The following NOBOX variants were observed in gnomAD, a reference collection of about 807,000 sequenced individuals.
NOBOX encodes homeobox protein NOBOX.
NOBOX carries 46 observed loss-of-function variants against 60.2 expected under a neutral mutation model. The observed-to-expected ratio is 0.76, with a 90% confidence interval of 0.60 to 0.98. NOBOX has a LOEUF of 0.98. Among genes scored for constraint, NOBOX ranks in the 50% least tolerant of loss-of-function variants. NOBOX has a pLI of 0.00. For missense variants in NOBOX, 880 were observed against 865.5 expected (o/e 1.02, Z -0.21); for synonymous variants, 360 against 346.3 (o/e 1.04, Z -0.44).
At chr7:144,409,938 G>A (rs965626163) in intron 1 of NOBOX, among the ~76,000 whole-genome samples, 1 of 152,188 alleles carries the variant, frequency 6.6e-6, no homozygotes, top group East Asian at 1.9e-4. Context: ...CCCTGAACAA[G>A]GTATTTTTTC....
At chr7:144,400,984 C>T in intron 4 of NOBOX, 62 bp downstream of exon 2, 1 of 1,373,108 alleles carries the variant, frequency 7.3e-7, no homozygotes, top group East Asian at 2.4e-5. Flanking sequence ...ATTCTTCACA[C>T]AGCCCCACCT....
In NOBOX at chr7:144,401,615, C is replaced by G; in HGVS notation, c.293-18G>C. ...TTTCTGGCCTGTGGGGAGCCAACAT[C>G]CACTGACCTTAGCACCAGGGAGAAG... On this transcript the variant is annotated intron_variant, in intron 3 of 9. Transcript: ENST00000467773. This position sits in a 1 kb window ranked among gnomAD's most constrained non-coding sequence, Gnocchi z 4.2. 6.7e-7 allele frequency: 1 copy of G among 1,500,922 alleles called. No homozygotes were observed. The highest frequency in any genetic ancestry group is 8.8e-7 in the Non-Finnish European group (1 of 1,133,570). 93.0% of individuals were successfully genotyped at this position (1,500,922 alleles called of 1,614,324 possible). A position where few individuals can be genotyped will look rare whatever the true frequency, so the allele number is the denominator to read the frequency against.
chr7:144,402,791 C>G (rs568225981), intron 2 of NOBOX, among the ~76,000 whole-genome samples: 1 of 127,666 alleles, frequency 7.8e-6, no homozygotes, highest in Non-Finnish European at 1.6e-5. Flanking sequence ...GAGTCTCGCT[C>G]CGTCGCCCAG....
chr7:144,399,534 C>G, intron 6 of NOBOX, 52 bp from the exon 5 acceptor site: 4 of 1,439,204 alleles, frequency 2.8e-6, no homozygotes, highest in Non-Finnish European at 9.6e-7. Context: ...TGGATTTGCA[C>G]AGGTGCCTCA....
chr7:144,397,580 G>A, intron 9 of NOBOX, 39 bp from the exon 8 acceptor site: 1 of 1,449,032 alleles, frequency 6.9e-7, no homozygotes, highest in Non-Finnish European at 9.2e-7. Context: ...CAGACAGGAT[G>A]GAGAGTATCA....
Position 144,398,990 on chromosome 7 carries a change from T to C in NOBOX, c.1429A>G (p.Ser477Gly). Reference sequence around the variant, plus strand: ...CCACAGGGGCCGTCCTTGTGGCTGCTGTCACTGCCAGCAACATCCATCAGC... The same window carrying C: ...CCACAGGGGCCGTCCTTGTGGCTGCCGTCACTGCCAGCAACATCCATCAGC... Residue 477 changes from serine (S) to glycine (G), a missense_variant, in exon 8 of 10, where the codon AGC (serine) becomes GGC (glycine). Ser to Gly is a moderately conservative substitution (Grantham distance 56, BLOSUM62 0). Coordinates refer to ENST00000467773, the MANE Select transcript of NOBOX (RefSeq NM_001080413.3). The C allele has an allele frequency of 6.3e-7, 1 of 1,578,590 alleles. No homozygotes were observed. Among genetic ancestry groups the C allele is most frequent in the Non-Finnish European group, 8.6e-7 (1 of 1,162,420 alleles).
chr7:144,409,354 C>T (rs17171150), intron 1 of NOBOX, among the ~76,000 whole-genome samples: 5,299 of 152,118 alleles, frequency 0.035, 330 homozygotes, highest in African/African-American at 0.12. Context: ...GGGTAAATAC[C>T]GAACAACTGA....
rs2128861664 is a variant in NOBOX at position 144,401,124 on chromosome 7, G to T, written c.766C>A (p.Gln256Lys). The change falls in exon 4 of 10, where the codon CAA (glutamine) becomes AAA (lysine). Residue 256 changes from glutamine (Q) to lysine (K), a missense_variant. Coordinates refer to ENST00000467773, the MANE Select transcript of NOBOX (RefSeq NM_001080413.3). The surrounding 1 kb of genome is among the most constrained non-coding windows in gnomAD (Gnocchi z 4.2). ...GGCCCCTGCTTGTGGTCTCTGTTTT[G>T]GTTGCTCTGCGCCAATGTACTGAGG... is the stretch of plus-strand genomic sequence containing the variant. The T allele has an allele frequency of 6.4e-7, 1 of 1,574,520 alleles. No homozygotes were observed. Among genetic ancestry groups the T allele is most frequent in the Non-Finnish European group, 8.6e-7 (1 of 1,161,264 alleles).
chr7:144,402,224 C>T (rs556317176), intron 2 of NOBOX, among the ~76,000 whole-genome samples: 1 of 150,866 alleles, frequency 6.6e-6, no homozygotes, highest in African/African-American at 2.4e-5. Context: ...CTTCCTCCCC[C>T]TCCCTGCAAA....
At position 144,398,931 on chromosome 7, in the gene NOBOX, A is replaced by C; in HGVS notation, c.1469+19T>G. 1 of 1,398,784 alleles carries C rather than the reference A, an allele frequency of 7.1e-7. No homozygotes were observed. The highest frequency in any genetic ancestry group is 1.4e-5 in the African/African-American group (1 of 69,726). 86.6% of individuals were successfully genotyped at this position (1,398,784 alleles called of 1,614,324 possible). On this transcript the variant is annotated intron_variant, in intron 8 of 9. Coordinates refer to ENST00000467773, the MANE Select transcript of NOBOX (RefSeq NM_001080413.3). ...CCCACCCAGATAACTAGAGTGACCT[A>C]CCCCCGTAGGTTCCTTACCTTGTCC...
In NOBOX at chr7:144,397,291, G is replaced by C; in HGVS notation, c.2025C>G (p.Pro675=). 1 of 1,537,268 alleles carries C rather than the reference G, an allele frequency of 6.5e-7. No individual in the cohort carries two copies. The highest frequency in any genetic ancestry group is 8.7e-7 in the Non-Finnish European group (1 of 1,146,896). The change falls in exon 10 of 10, where the codon CCC becomes CCG. Residue 675 remains proline, a synonymous_variant. Coordinates refer to ENST00000467773, the MANE Select transcript of NOBOX (RefSeq NM_001080413.3). The stretch of plus-strand genomic sequence containing the variant: ...CCCCTCTGGCCTCCTCCAGTGCTGA[G>C]GGCTGATCCAGGGAAGCAGCTGGTG...
intron 7 of NOBOX, 72 bp from the exon 6 acceptor site, chr7:144,399,250 A>AG (rs2053918861): frequency 1.1e-6 from 1 of 951,330 alleles, no homozygotes; most frequent in East Asian, 2.6e-5. Flanking sequence ...GCTGAATGGT[A>AG]GACACAAGCC....
At chr7:144,406,742 G>A (rs1338165268) in intron 1 of NOBOX, among the ~76,000 whole-genome samples, 1 of 152,160 alleles carries the variant, frequency 6.6e-6, no homozygotes, top group Non-Finnish European at 1.5e-5. Flanking sequence ...AAGGTGTTGT[G>A]TTTTTGATAT....
chr7:144,399,591 T>C (rs1276714327), intron 6 of NOBOX, 109 bp from the exon 5 acceptor site: 8 of 1,161,916 alleles, frequency 6.9e-6, no homozygotes, highest in South Asian at 1.4e-5. Flanking sequence ...CTACAGGGCA[T>C]TGGCAACTTC....
chr7:144,400,385 C>T (rs2053929023), intron 4 of NOBOX, 73 bp from the exon 3 acceptor site: 1 of 1,345,436 alleles, frequency 7.4e-7, no homozygotes, highest in Non-Finnish European at 1.1e-6. Context: ...GAGAGGTGCT[C>T]ACCAAGTATC....
intron 1 of NOBOX, among the ~76,000 whole-genome samples, chr7:144,407,769 C>T (rs1182028702): frequency 6.6e-6 from 1 of 152,194 alleles, no homozygotes; most frequent in Non-Finnish European, 1.5e-5. Context: ...CCGGGCAGGG[C>T]CAGGACAAGT....
chr7:144,402,692 C>T (rs2053950386), intron 2 of NOBOX, among the ~76,000 whole-genome samples: 1 of 150,524 alleles, frequency 6.6e-6, no homozygotes, highest in Non-Finnish European at 1.5e-5. Flanking sequence ...TAAGTAACGA[C>T]TAAGAGCTAC....
At chr7:144,403,813 C>G (rs1279487202) in intron 2 of NOBOX, 120 bp from the exon 1 acceptor site, 2 of 418,090 alleles carry the variant, frequency 4.8e-6, no homozygotes, top group South Asian at 3.2e-5. Flanking sequence ...AGCCGTAGCC[C>G]GAGGCTGCGC....
rs748408196 is a variant in NOBOX, at chr7:144,398,320, G to A, written c.1736C>T (p.Ser579Leu). Residue 579 changes from serine (S) to leucine (L), a missense_variant, in exon 9 of 10, where the codon TCA (serine) becomes TTA (leucine). Ser to Leu is a moderately radical substitution (Grantham distance 145, BLOSUM62 -2). Transcript: ENST00000467773. ...AGGTGGTTGCATCAGGATCTGTCCTGAGGAGGCACCTGGGCAATAGCCCTG... is the reference window on the plus strand; with the variant it reads ...AGGTGGTTGCATCAGGATCTGTCCTAAGGAGGCACCTGGGCAATAGCCCTG... 1 of 1,537,278 alleles carries A rather than the reference G, an allele frequency of 6.5e-7. No individual in the cohort carries two copies. The highest frequency in any genetic ancestry group is 1.2e-5 in the South Asian group (1 of 84,050).
Sources: allele counts gnomAD v4.1 joint callset (sites outside exome capture counted in the v4.1 genomes callset), GRCh38; gene constraint gnomAD v4.1.1; non-coding constraint Gnocchi (gnomAD v3.1); transcripts MANE v1.5; gene names NCBI Gene and HGNC (gene_info 2026-07-23, HGNC 2026-07-21).